The following ATP2B2 variants were observed in gnomAD, a reference collection of about 807,000 sequenced individuals.
ATP2B2 encodes the protein ATPase plasma membrane Ca2+ transporting 2, also known as plasma membrane calcium-transporting ATPase 2.
Under a neutral mutation model 120.0 loss-of-function variants are expected in ATP2B2, and 15 were observed. That is an observed-to-expected ratio of 0.12 (90% CI 0.08 to 0.19). The LOEUF is 0.19. ATP2B2 is among the 10% of genes least tolerant of loss of function. ATP2B2 has a pLI of 1.00. For synonymous variants in ATP2B2, 694 were observed against 700.3 expected (o/e 0.99, Z 0.14); for missense variants, 1,045 against 1,719.8 (o/e 0.61, Z 6.94).
intron 2 of ATP2B2, among the ~76,000 whole-genome samples, chr3:10,562,767 A>C (rs1453190952): frequency 6.6e-6 from 1 of 152,234 alleles, no homozygotes; most frequent in Non-Finnish European, 1.5e-5. Flanking sequence ...TTATTAGAAA[A>C]ATTGTAAACA....
At chr3:10,572,754 G>A (rs2068156341) in intron 2 of ATP2B2, among the ~76,000 whole-genome samples, 1 of 152,258 alleles carries the variant, frequency 6.6e-6, no homozygotes, top group African/African-American at 2.4e-5. Flanking sequence ...GCATCTGCAG[G>A]GGCCACATGA....
intron 1 of ATP2B2, among the ~76,000 whole-genome samples, chr3:10,702,922 C>A (rs1218443724): frequency 6.6e-6 from 1 of 152,132 alleles, no homozygotes; most frequent in Non-Finnish European, 1.5e-5. Context: ...TCCCATCATT[C>A]CTTTTCTCTG....
At chr3:10,509,718 C>G (rs925716714), upstream of ATP2B2, among the ~76,000 whole-genome samples, 1 of 152,146 alleles carries the variant, frequency 6.6e-6, no homozygotes, top group East Asian at 1.9e-4. Context: ...CTGGCTTGCC[C>G]GAAATCTCCT....
chr3:10,464,387 G>A (rs1400664357), intron 1 of ATP2B2, among the ~76,000 whole-genome samples: 5 of 152,128 alleles, frequency 3.3e-5, no homozygotes, highest in African/African-American at 1.2e-4. Flanking sequence ...AGAGCCAAGG[G>A]TTTGATGCTG....
At chr3:10,640,621 G>C (rs528316599) in intron 1 of ATP2B2, among the ~76,000 whole-genome samples, 1 of 152,298 alleles carries the variant, frequency 6.6e-6, no homozygotes, top group South Asian at 2.1e-4. Context: ...GGGATTCCCA[G>C]AAAGCTTCTG....
intron 2 of ATP2B2, among the ~76,000 whole-genome samples, chr3:10,552,957 C>T (rs185724060): frequency 9.2e-5 from 14 of 152,334 alleles, no homozygotes; most frequent in South Asian, 2.1e-4. Flanking sequence ...ATCTCCATTT[C>T]GAAGGCAAGG....
chr3:10,626,685 G>T (rs1051196414), intron 1 of ATP2B2: 3 of 151,988 alleles, frequency 2.0e-5, no homozygotes, highest in Admixed American at 2.0e-4. Flanking sequence ...AAAAGGATGA[G>T]TGAATAAATG....
chr3:10,482,303 C>T (rs920161102), intron 1 of ATP2B2, among the ~76,000 whole-genome samples: 1 of 152,194 alleles, frequency 6.6e-6, no homozygotes, highest in African/African-American at 2.4e-5. Context: ...ATGGTGAGGG[C>T]AGCAGAGCAC....
chr3:10,565,052 A>G (rs960607638), intron 2 of ATP2B2, among the ~76,000 whole-genome samples: 2 of 152,152 alleles, frequency 1.3e-5, no homozygotes, highest in African/African-American at 4.8e-5. Context: ...TGTGTCTTCC[A>G]CCTGGTCCCT....
At chr3:10,348,346 G>A (rs1371764115) in intron 16 of ATP2B2, among the ~76,000 whole-genome samples, 11 of 152,096 alleles carry the variant, frequency 7.2e-5, no homozygotes, top group Non-Finnish European at 1.6e-4. Flanking sequence ...AATCCTACAG[G>A]TCCCTCCACT....
rs145206537 is a variant in ATP2B2, at chr3:10,674,616, G to A, written c.-460+33299C>T. Among the ~76,000 whole-genome samples, 11 of 152,194 alleles carry A rather than the reference G, an allele frequency of 7.2e-5. No individual in the cohort carries two copies. The East Asian group carries it at 1.4e-3, about 19-fold the overall frequency. ...CAAATTTTTATTTTTTAACATTTTA[G>A]TTCTACAGATTTGCAAGAGCAGTGC... On this transcript the variant is annotated intron_variant, in intron 1 of 21. Coordinates refer to the ATP2B2 transcript ENST00000646379.
At chr3:10,495,363 G>T (rs529227428) in intron 1 of ATP2B2, among the ~76,000 whole-genome samples, 1 of 152,324 alleles carries the variant, frequency 6.6e-6, no homozygotes, top group African/African-American at 2.4e-5. Flanking sequence ...ATGCAAAGGG[G>T]CAGGAGCAGA....
chr3:10,513,799 C>A (rs1397386870), intron 3 of ATP2B2, among the ~76,000 whole-genome samples: 1 of 152,168 alleles, frequency 6.6e-6, no homozygotes, highest in Non-Finnish European at 1.5e-5. Context: ...TGAATGAAAG[C>A]TGTAGGCTCA....
At chr3:10,616,669 T>G (rs1008778746) in intron 2 of ATP2B2, among the ~76,000 whole-genome samples, 1 of 133,360 alleles carries the variant, frequency 7.5e-6, no homozygotes, top group Non-Finnish European at 1.6e-5. Context: ...CTTATACAGC[T>G]GACTAGCAAA....
intron 18 of ATP2B2, among the ~76,000 whole-genome samples, chr3:10,344,036 T>C (rs1559536429): frequency 6.6e-6 from 1 of 151,908 alleles, no homozygotes; most frequent in African/African-American, 2.4e-5. Flanking sequence ...ACTCATCACC[T>C]CCCAGGTTTC....
chr3:10,570,612 C>A (rs573033041), intron 2 of ATP2B2, among the ~76,000 whole-genome samples: 1 of 152,312 alleles, frequency 6.6e-6, no homozygotes, highest in South Asian at 2.1e-4. Flanking sequence ...AAGGTGGATT[C>A]CTCACTTTCT....
At chr3:10,522,978 C>T (rs568327119) in intron 3 of ATP2B2, among the ~76,000 whole-genome samples, 1 of 152,328 alleles carries the variant, frequency 6.6e-6, no homozygotes, top group South Asian at 2.1e-4. Context: ...GGACCTGGCA[C>T]ACAATAGGTG....
chr3:10,448,968 G>T (rs1248931781), intron 2 of ATP2B2, among the ~76,000 whole-genome samples: 1 of 152,240 alleles, frequency 6.6e-6, no homozygotes. Flanking sequence ...CCTGGGTGCA[G>T]GTTCCATGTT....
chr3:10,706,879 C>G (rs926354140), intron 1 of ATP2B2, among the ~76,000 whole-genome samples: 1 of 152,196 alleles, frequency 6.6e-6, no homozygotes, highest in African/African-American at 2.4e-5. Context: ...CCTCTCCATC[C>G]ACTCTAACCC....
Sources: allele counts gnomAD v4.1 joint callset (sites outside exome capture counted in the v4.1 genomes callset), GRCh38; gene constraint gnomAD v4.1.1; transcripts MANE v1.5; gene names NCBI Gene and HGNC (gene_info 2026-07-23, HGNC 2026-07-21).